The following ACSS3 variants were observed in gnomAD, a reference collection of about 807,000 sequenced individuals.
ACSS3 encodes acyl-CoA synthetase short-chain family member 3, mitochondrial.
ACSS3 carries 64 observed loss-of-function variants against 84.2 expected under a neutral mutation model. The observed-to-expected ratio is 0.76, with a 90% CI of 0.62 to 0.94. The LOEUF (loss-of-function observed/expected upper bound fraction) is 0.94. ACSS3 is among the 40% of genes least tolerant of loss of function. ACSS3 has a pLI of 0.00. For missense variants in ACSS3, 815 were observed against 867.6 expected, an observed-to-expected ratio of 0.94 and a Z score of 0.76; for synonymous variants, 317 against 310.1, an observed-to-expected ratio of 1.02 and a Z score of -0.23.
At chr12:81,253,265 GTAAA>G in intron 13 of ACSS3, 38 bp from the exon 14 acceptor site, 1 of 1,518,522 alleles carries the variant, frequency 6.6e-7, no homozygotes, top group Non-Finnish European at 9.1e-7. Context: ...TACATATATG[GTAAA>G]TAAATGTATT....
chr12:81,080,529 T>C (rs1354796326), intron 1 of ACSS3, among the ~76,000 whole-genome samples: 1 of 152,046 alleles, frequency 6.6e-6, no homozygotes, highest in Non-Finnish European at 1.5e-5. Flanking sequence ...TTTGACTCTA[T>C]TTATTTCAGC....
chr12:81,171,434 T>C (rs1306015938), intron 7 of ACSS3, among the ~76,000 whole-genome samples: 1 of 152,122 alleles, frequency 6.6e-6, no homozygotes, highest in Non-Finnish European at 1.5e-5. Context: ...AGTATATAAA[T>C]ATTAAGTTAA....
chr12:81,251,390 A>G (rs2034146206), intron 13 of ACSS3, among the ~76,000 whole-genome samples: 1 of 152,172 alleles, frequency 6.6e-6, no homozygotes, highest in Admixed American at 6.5e-5. Context: ...TGATAATTGT[A>G]TGCCAATTTT....
chr12:81,160,345 G>A (rs191541733), intron 7 of ACSS3, among the ~76,000 whole-genome samples: 1 of 152,228 alleles, frequency 6.6e-6, no homozygotes, highest in Non-Finnish European at 1.5e-5. Flanking sequence ...AGGGCAGATG[G>A]CTATTTGTTA....
chr12:81,205,860 A>G (rs1291249385), intron 9 of ACSS3, among the ~76,000 whole-genome samples: 3 of 152,128 alleles, frequency 2.0e-5, no homozygotes, highest in Non-Finnish European at 4.4e-5. Flanking sequence ...ACGTTTCACA[A>G]CTGTGTGTTA....
chr12:81,199,789 A>C, intron 9 of ACSS3: 1 of 735,814 alleles, frequency 1.4e-6, no homozygotes, highest in South Asian at 1.5e-5. Flanking sequence ...CTTGCCTTTG[A>C]GCTCTGGCAG....
chr12:81,257,114 A>G lies in ACSS3; in HGVS notation c.*2192A>G, dbSNP rs2034328290. The G allele has an allele frequency of 6.6e-6, 1 of 152,176 alleles. No individual in the cohort carries two copies. The highest frequency in any genetic ancestry group is 1.5e-5 in the Non-Finnish European group (1 of 68,028). 9.4% of individuals were successfully genotyped at this position (152,176 alleles called of 1,614,324 possible). ...GATCCAATAATTAGGTAAAGGTTGCATCTTTGGTCCTCTTGCACATTTTTT... is the reference window on the plus strand; with the variant it reads ...GATCCAATAATTAGGTAAAGGTTGCGTCTTTGGTCCTCTTGCACATTTTTT... On this transcript the variant is annotated 3_prime_UTR_variant, in exon 16 of 16. Transcript: ENST00000548058.
At chr12:81,216,805 A>G in intron 9 of ACSS3, 96 bp from the exon 10 acceptor site, 1 of 948,366 alleles carries the variant, frequency 1.1e-6, no homozygotes, top group Non-Finnish European at 1.7e-6. Flanking sequence ...GCTGCATTGT[A>G]TGACAAACTA....
intron 2 of ACSS3, among the ~76,000 whole-genome samples, chr12:81,133,810 T>C (rs1885649011): frequency 6.6e-6 from 1 of 152,122 alleles, no homozygotes; most frequent in Non-Finnish European, 1.5e-5. Context: ...TTGTCTTGTC[T>C]TGTTTACTTA....
intron 1 of ACSS3, among the ~76,000 whole-genome samples, chr12:81,102,119 A>C (rs576343385): frequency 6.6e-6 from 1 of 152,152 alleles, no homozygotes; most frequent in South Asian, 2.1e-4. Context: ...ATATACACAC[A>C]TGCACTCATC....
intron 13 of ACSS3, among the ~76,000 whole-genome samples, chr12:81,237,623 G>A (rs1280458195): frequency 6.6e-6 from 1 of 151,434 alleles, no homozygotes; most frequent in Non-Finnish European, 1.5e-5. Flanking sequence ...TGTTCTTGTG[G>A]CTATTTATTT....
intron 1 of ACSS3, among the ~76,000 whole-genome samples, chr12:81,089,350 T>A (rs1881524571): frequency 6.6e-6 from 1 of 151,928 alleles, no homozygotes; most frequent in African/African-American, 2.4e-5. Flanking sequence ...GCAGAAGATA[T>A]GCAGGTGGAG....
intron 5 of ACSS3, among the ~76,000 whole-genome samples, chr12:81,143,696 A>G (rs1440617179): frequency 3.3e-5 from 5 of 152,218 alleles, no homozygotes; most frequent in Middle Eastern, 3.4e-3. Flanking sequence ...GGGGAATTCA[A>G]TTATTTATTA....
intron 11 of ACSS3, among the ~76,000 whole-genome samples, chr12:81,226,450 C>A (rs890473644): frequency 6.6e-6 from 1 of 151,822 alleles, no homozygotes; most frequent in Non-Finnish European, 1.5e-5. Flanking sequence ...TACCTAGCTA[C>A]ACATAGTGAG....
At chr12:81,118,704 A>T (rs1365122621) in intron 2 of ACSS3, among the ~76,000 whole-genome samples, 1 of 152,184 alleles carries the variant, frequency 6.6e-6, no homozygotes, top group Non-Finnish European at 1.5e-5. Context: ...TTGAAGTCTC[A>T]TAGGTGGCAT....
chr12:81,144,321 T>G (rs566038605), intron 5 of ACSS3, among the ~76,000 whole-genome samples: 1 of 152,344 alleles, frequency 6.6e-6, no homozygotes, highest in African/African-American at 2.4e-5. Flanking sequence ...TTTGTTGAAT[T>G]CATACGTAGA....
At chr12:81,206,823 C>G (rs2032369670) in intron 9 of ACSS3, among the ~76,000 whole-genome samples, 1 of 152,144 alleles carries the variant, frequency 6.6e-6, no homozygotes, top group African/African-American at 2.4e-5. Context: ...AAGGCTTTCT[C>G]TTTCTGAAAG....
At chr12:81,148,755 T>G (rs1308609318) in intron 5 of ACSS3, among the ~76,000 whole-genome samples, 1 of 151,788 alleles carries the variant, frequency 6.6e-6, no homozygotes, top group Middle Eastern at 3.4e-3. Context: ...ACTTTTAAGG[T>G]AGGTAGAGTA....
intron 13 of ACSS3, among the ~76,000 whole-genome samples, chr12:81,241,760 C>T (rs1361999242): frequency 7.2e-5 from 11 of 151,762 alleles, no homozygotes; most frequent in East Asian, 5.8e-4. Context: ...GAGTAGGTTG[C>T]GAAAATTTTC....
Sources: gnomAD v4.1 joint callset for allele counts (sites outside exome capture counted in the v4.1 genomes callset) on GRCh38, gnomAD v4.1.1 for gene constraint, MANE v1.5 for transcripts, NCBI Gene and HGNC (gene_info 2026-07-23, HGNC 2026-07-21) for gene names.